REV3L: variants seen among roughly 807,000 people sequenced by gnomAD.
The protein encoded by REV3L is REV3 like, DNA directed polymerase zeta catalytic subunit, also known as DNA polymerase zeta catalytic subunit.
Under a neutral mutation model 299.4 loss-of-function variants are expected in REV3L, and 69 were observed. That is an observed-to-expected ratio of 0.23 (90% CI 0.19 to 0.28). REV3L has a LOEUF of 0.28. Among genes scored for constraint, REV3L ranks in the 10% least tolerant of loss-of-function variants. REV3L has a pLI of 1.00. For synonymous variants in REV3L, 1,238 were observed against 1,271.4 expected (o/e 0.97, Z 0.56); for missense variants, 3,128 against 3,693.8 (o/e 0.85, Z 3.97).
At chr6:111,456,481 T>G (rs1441865132) in intron 1 of REV3L, among the ~76,000 whole-genome samples, 1 of 152,226 alleles carries the variant, frequency 6.6e-6, no homozygotes, top group Non-Finnish European at 1.5e-5. Flanking sequence ...TCTTTTCTTG[T>G]GGCTGTTCTC....
intron 1 of REV3L, among the ~76,000 whole-genome samples, chr6:111,420,052 A>C (rs1031845639): frequency 6.6e-6 from 1 of 151,988 alleles, no homozygotes; most frequent in African/African-American, 2.4e-5. Flanking sequence ...TCACCGTGTT[A>C]ATCAGGATGG....
Position 111,348,957 on chromosome 6 carries a change from A to G in REV3L, c.7419+261T>C, listed in dbSNP as rs9487624. 1.6e-3 allele frequency: 362 copies of G among 224,048 alleles called. 1 individual carries two copies. Among genetic ancestry groups the G allele is most frequent in the African/African-American group, 7.8e-3 (345 of 44,000 alleles). The allele number at this position is 224,048 out of a possible 1,614,324, so 13.9% of individuals were successfully genotyped here. ...AGTGTGAGCACTGCACCTGGCCCCA[A>G]TATTTTATTATAGCTATAGACCTTT... On this transcript the variant is annotated intron_variant, in intron 20 of 31. Transcript: ENST00000368802.
intron 1 of REV3L, among the ~76,000 whole-genome samples, chr6:111,422,429 G>A (rs1475923831): frequency 6.6e-6 from 1 of 151,472 alleles, no homozygotes; most frequent in Non-Finnish European, 1.5e-5. Context: ...AGCAACAGAA[G>A]ATGTTTAAGT....
At chr6:111,335,654 G>A in intron 21 of REV3L, 44 bp from the exon 22 acceptor site, 1 of 1,570,516 alleles carries the variant, frequency 6.4e-7, no homozygotes, top group Non-Finnish European at 8.6e-7. Context: ...GGAAAAATTT[G>A]GACACTTGAA....
At chr6:111,475,137 CTTGCT>C (rs1309571911) in intron 1 of REV3L, among the ~76,000 whole-genome samples, 3 of 109,040 alleles carry the variant, frequency 2.8e-5, no homozygotes, top group Non-Finnish European at 5.2e-5. Context: ...AGTCATGCCT[CTTGCT>C]TTTTTTCCTC....
intron 31 of REV3L, among the ~76,000 whole-genome samples, chr6:111,301,228 C>G (rs2114672095): frequency 6.6e-6 from 1 of 152,252 alleles, no homozygotes; most frequent in South Asian, 2.1e-4. Context: ...TGATCACGAA[C>G]CCTGTTTCCT....
intron 13 of REV3L, among the ~76,000 whole-genome samples, chr6:111,371,134 G>A (rs1779756715): frequency 1.3e-5 from 2 of 152,000 alleles, no homozygotes; most frequent in Non-Finnish European, 2.9e-5. Flanking sequence ...ATGGATGGCT[G>A]AAATGAACTG....
chr6:111,326,607 C>CG (rs1310455662), intron 25 of REV3L, among the ~76,000 whole-genome samples: 2 of 147,536 alleles, frequency 1.4e-5, no homozygotes, highest in Non-Finnish European at 3.0e-5. Context: ...GGGTATATAC[C>CG]CCCCCCAAAA....
At position 111,322,665 on chromosome 6, in the gene REV3L, A is replaced by G. The variant is rs1774312775; in HGVS notation, c.8255T>C (p.Ile2752Thr). The G allele has an allele frequency of 1.2e-6, 2 of 1,613,882 alleles. No homozygotes were observed. Among genetic ancestry groups the G allele is most frequent in the Admixed American group, 1.7e-5 (1 of 60,006 alleles). ...CAAGGTCTCTCTGGCTTTGTGAACA[A>G]TACTATCGCCAACCTGTTGGTACAA... ...RMPCIEVGDS[I>T]VHKARETLER... The change falls in exon 26 of 32, where the codon ATT (isoleucine) becomes ACT (threonine). Residue 2752 changes from isoleucine to threonine, a missense_variant. By Grantham distance (89) the Ile-to-Thr change is moderately conservative. Transcript: ENST00000368802.
At position 111,472,327 on chromosome 6, in the gene REV3L, AAT is replaced by A. The variant is rs1374356463; in HGVS notation, c.139+10421_139+10422del. ...TGAAGTATAAATATATATGCAAAAT[AAT>A]ATATTTCTTTTAATTCTTGTTATAC... On this transcript the variant is annotated intron_variant, in intron 1 of 31. Transcript: ENST00000368802. Among the ~76,000 whole-genome samples, 4 of 152,166 alleles carry A rather than the reference AAT, an allele frequency of 2.6e-5. No individual in the cohort carries two copies. In the East Asian group the frequency reaches 7.7e-4, roughly 29 times the overall value.
intron 9 of REV3L, among the ~76,000 whole-genome samples, chr6:111,385,518 T>G (rs985511798): frequency 4.6e-5 from 7 of 152,118 alleles, no homozygotes; most frequent in Non-Finnish European, 8.8e-5. Context: ...TTTCATTACA[T>G]CAGGGTAGGG....
intron 1 of REV3L, among the ~76,000 whole-genome samples, chr6:111,429,829 G>A (rs1314035452): frequency 1.3e-5 from 2 of 152,082 alleles, no homozygotes; most frequent in African/African-American, 4.8e-5. Flanking sequence ...TGGACAAGAA[G>A]CACAAGCACA....
Position 111,374,268 on chromosome 6 carries a change from T to C in REV3L, c.4087A>G (p.Asn1363Asp). The C allele has an allele frequency of 6.2e-7, 1 of 1,613,680 alleles. No individual in the cohort carries two copies. Among genetic ancestry groups the C allele is most frequent in the Non-Finnish European group, 8.5e-7 (1 of 1,179,670 alleles). ...TTCTGTGCTACCTGAGATAAATGAT[T>C]GGAAAGGTCAAATATATTTTTTTGA... is the stretch of plus-strand genomic sequence containing the variant. ...LIQKNIFDLS[N>D]HLSQVAQNTQ... is the part of the protein sequence containing the mutation. Residue 1363 changes from asparagine to aspartate, a missense_variant, in exon 13 of 32, where the codon AAT (asparagine) becomes GAT (aspartate). Coordinates refer to ENST00000368802, the MANE Select transcript of REV3L (RefSeq NM_001372078.1).
rs1780119726 is a variant in REV3L, at chr6:111,374,664, T to C, written c.3691A>G (p.Ile1231Val). The change falls in exon 13 of 32, where the codon ATA becomes GTA. Residue 1231 changes from isoleucine to valine, a missense_variant. By Grantham distance (29) the Ile-to-Val change is conservative. This residue lies in a region of REV3L where 2,409 missense variants were observed against 2,611.8 expected (regional missense o/e 0.92). Transcript: ENST00000368802. ...ACCTCAGCACCAGACTGAGATTTTA[T>C]TTTTTCATCCTTAAGTGTTGTATGC... is the stretch of plus-strand genomic sequence containing the variant. ...RKHTTLKDEK[I>V]KSQSGAEVKF... The C allele has an allele frequency of 6.2e-7, 1 of 1,613,604 alleles. No individual in the cohort carries two copies. Among genetic ancestry groups the C allele is most frequent in the African/African-American group, 1.3e-5 (1 of 75,030 alleles).
At chr6:111,420,717 A>T (rs1355774962) in intron 1 of REV3L, among the ~76,000 whole-genome samples, 2 of 152,252 alleles carry the variant, frequency 1.3e-5, no homozygotes, top group African/African-American at 4.8e-5. Flanking sequence ...ACTTGACACC[A>T]TGGCAAAACT....
At chr6:111,463,943 C>CA (rs746657856) in intron 1 of REV3L, among the ~76,000 whole-genome samples, 4 of 152,092 alleles carry the variant, frequency 2.6e-5, no homozygotes, top group Non-Finnish European at 4.4e-5. Context: ...CCAATATCAA[C>CA]ATAATTGACG....
At position 111,375,558 on chromosome 6, in the gene REV3L, C is replaced by T. The variant is rs766510740; in HGVS notation, c.2797G>A (p.Glu933Lys). The T allele has an allele frequency of 1.2e-6, 2 of 1,613,674 alleles. No individual in the cohort carries two copies. The highest frequency in any genetic ancestry group is 4.5e-5 in the East Asian group (2 of 44,842). The change falls in exon 13 of 32, where the codon GAG becomes AAG. Residue 933 changes from glutamate (E) to lysine (K), a missense_variant. Glu to Lys is a moderately conservative substitution (Grantham distance 56). This residue lies in a region of REV3L where 2,409 missense variants were observed against 2,611.8 expected (regional missense o/e 0.92). Transcript: ENST00000368802. ...GAGTTGTGAGTTACAAAACTTGACT[C>T]ACTGTCTTCAGTCTCATAATTTACC... The part of the protein sequence containing the change: ...RKVNYETEDS[E>K]SSFVTHNSKI...
intron 1 of REV3L, chr6:111,431,307 C>T (rs1369301970): frequency 3.5e-5 from 43 of 1,223,234 alleles, no homozygotes; most frequent in Non-Finnish European, 4.8e-5. Context: ...ACACCTGACA[C>T]AGCAAAAGAA....
chr6:111,390,205 A>ATTAT, intron 5 of REV3L, 25 bp from the exon 6 acceptor site: 1 of 1,399,434 alleles, frequency 7.1e-7, no homozygotes, highest in Non-Finnish European at 1.0e-6. Context: ...TATAAAAAAC[A>ATTAT]TAATAATTAT....
Sources: gnomAD v4.1 joint callset for allele counts (sites outside exome capture counted in the v4.1 genomes callset) on GRCh38, gnomAD v4.1.1 for gene constraint, gnomAD v4.1.1 regional missense constraint, MANE v1.5 for transcripts, NCBI Gene and HGNC (gene_info 2026-07-23, HGNC 2026-07-21) for gene names.